The following ARHGEF10 variants were observed in gnomAD, a reference collection of about 807,000 sequenced individuals.
The protein encoded by ARHGEF10 is Rho guanine nucleotide exchange factor 10, also known as Rho guanine nucleotide exchange factor (GEF) 10.
In ARHGEF10, 140 loss-of-function variants were observed where a neutral mutation model predicts 147.4. The ratio of observed to expected loss-of-function variants is 0.95; its 90% CI spans 0.83 to 1.09. The LOEUF is 1.09. Ranked by LOEUF, ARHGEF10 falls within the 50% of genes least tolerant of loss-of-function variation. The pLI, the probability that ARHGEF10 is intolerant of heterozygous loss-of-function variation, is 0.00. For synonymous variants in ARHGEF10, 902 were observed against 695.8 expected, an observed-to-expected ratio of 1.30 and a Z score of -4.67; for missense variants, 2,222 against 1,752.7, an observed-to-expected ratio of 1.27 and a Z score of -4.78.
At chr8:1,864,592 G>A (rs560789479) in intron 5 of ARHGEF10, among the ~76,000 whole-genome samples, 156 bp downstream of exon 5, 11 of 152,330 alleles carry the variant, frequency 7.2e-5, no homozygotes, top group African/African-American at 9.6e-5. Flanking sequence ...CCTCCCAGGC[G>A]AGTGTCCCTG....
At chr8:1,915,523 G>C (rs1391075502) in intron 18 of ARHGEF10, among the ~76,000 whole-genome samples, 1 of 152,252 alleles carries the variant, frequency 6.6e-6, no homozygotes, top group African/African-American at 2.4e-5. Flanking sequence ...CAGCATGGCA[G>C]ATGGACGGAA....
At chr8:1,869,853 A>T (rs17756577) in intron 7 of ARHGEF10, 38,133 of 171,060 alleles carry the variant, frequency 0.22, 4,645 homozygotes, top group East Asian at 0.49. Flanking sequence ...GCGAAGAAGG[A>T]CGTGGCTCTT....
chr8:1,958,530 A>G lies in ARHGEF10; in HGVS notation c.*1267A>G, dbSNP rs1476019281. On this transcript the variant is annotated 3_prime_UTR_variant, in exon 29 of 29. Coordinates refer to ENST00000349830, the MANE Select transcript of ARHGEF10 (RefSeq NM_014629.4). The stretch of plus-strand genomic sequence containing the variant: ...AATGTTAATTTTATGACTTAGCCAA[A>G]TATGTTCTAGGTTGCATATATCCCC... 1.3e-5 allele frequency: 2 copies of G among 152,194 alleles called. No individual in the cohort carries two copies. The highest frequency in any genetic ancestry group is 4.8e-5 in the African/African-American group (2 of 41,450). 9.4% of individuals were successfully genotyped at this position (152,194 alleles called of 1,614,324 possible).
In ARHGEF10 at chr8:1,893,540, C is replaced by G. The variant is rs138056909; in HGVS notation, c.1183-29C>G. ...TCTGTGTGTATTATAAAGCAGTTTTCTATCATTGTACTTCCAAATTTCCAA... is the reference window on the plus strand; with the variant it reads ...TCTGTGTGTATTATAAAGCAGTTTTGTATCATTGTACTTCCAAATTTCCAA... On this transcript the variant is annotated intron_variant, in intron 11 of 28. Coordinates refer to ENST00000349830, the MANE Select transcript of ARHGEF10 (RefSeq NM_014629.4). 6.7e-5 allele frequency: 101 copies of G among 1,508,520 alleles called. 1 individual carries two copies. The highest frequency in any genetic ancestry group is 3.4e-4 in the Middle Eastern group (2 of 5,834). 93.4% of individuals were successfully genotyped at this position (1,508,520 alleles called of 1,614,324 possible).
chr8:1,903,313 C>T lies in ARHGEF10; in HGVS notation c.1683C>T (p.Pro561=), dbSNP rs373443843. The T allele has an allele frequency of 8.7e-6, 14 of 1,613,982 alleles. No homozygotes were observed. The highest frequency in any genetic ancestry group is 8.0e-5 in the African/African-American group (6 of 74,912). Residue 561 remains proline, a synonymous_variant, in exon 16 of 29, where the codon CCC becomes CCT. Coordinates refer to ENST00000349830, the MANE Select transcript of ARHGEF10 (RefSeq NM_014629.4). ...DMLKNTSKGH[P]DRLPLQMALT... ...TGAAGAACACCTCCAAAGGCCACCC[C>T]GACAGGCTGCCTCTTCAGATGGCCC...
intron 25 of ARHGEF10, 146 bp from the exon 26 acceptor site, chr8:1,933,654 C>A: frequency 2.7e-6 from 3 of 1,099,004 alleles, no homozygotes; most frequent in Non-Finnish European, 4.0e-6. Flanking sequence ...CTTGTCGATC[C>A]CCAGACACAG....
intron 26 of ARHGEF10, among the ~76,000 whole-genome samples, chr8:1,935,260 C>T (rs1175031947): frequency 6.6e-6 from 1 of 152,152 alleles, no homozygotes; most frequent in Non-Finnish European, 1.5e-5. Context: ...GCGTTTGTTA[C>T]AGTCAGTGAG....
rs976576470 is a variant in ARHGEF10, at chr8:1,929,355, G to T, written c.2991G>T (p.Lys997Asn). 2.5e-6 allele frequency: 4 copies of T among 1,613,866 alleles called. No homozygotes were observed. In the African/African-American group the frequency reaches 5.3e-5, roughly 22 times the overall value. The change falls in exon 25 of 29, where the codon AAG (lysine) becomes AAT (asparagine). Residue 997 changes from lysine to asparagine, a missense_variant. Transcript: ENST00000349830. ...TTCAGCACTTTTTCACTCCTGAGAA[G>T]TCCACAGTCATGAGCCTGGCTTGCA... ...VRLQHFFTPEKSTVMSLACTS... is the reference protein window; with the variant it reads ...VRLQHFFTPENSTVMSLACTS...
At chr8:1,844,480 C>CCTGGTGGACGA (rs1804389048) in intron 2 of ARHGEF10, among the ~76,000 whole-genome samples, 1 of 18,234 alleles carries the variant, frequency 5.5e-5, no homozygotes, top group Non-Finnish European at 1.7e-4. Context: ...AGTGGCCACC[C>CCTGGTGGACGA]CAGAAACAGC....
intron 27 of ARHGEF10, among the ~76,000 whole-genome samples, chr8:1,952,447 C>T (rs118094066): frequency 3.3e-5 from 5 of 152,326 alleles, no homozygotes; most frequent in South Asian, 2.1e-4. Context: ...GCCATGCAGA[C>T]GACAGCCCAG....
rs774646764 is a variant in ARHGEF10, at chr8:1,926,427, G to A, written c.2661G>A (p.Gln887=). Residue 887 remains glutamine (Q), a synonymous_variant, in exon 23 of 29, where the codon CAG becomes CAA. Coordinates refer to ENST00000349830, the MANE Select transcript of ARHGEF10 (RefSeq NM_014629.4). ...AACCTTACCTAAATAATGAAAGCCA[G>A]CCAGATTCATTTTCCACGGCACATG... ...NPEPYLNNES[Q]PDSFSTAHGF... 4 of 1,614,144 alleles carry A rather than the reference G, an allele frequency of 2.5e-6. No homozygotes were observed. In the East Asian group the frequency reaches 8.9e-5, roughly 36 times the overall value.
At position 1,948,569 on chromosome 8, in the gene ARHGEF10, C is replaced by T. The variant is rs1814778875; in HGVS notation, c.3397+2914C>T. On this transcript the variant is annotated intron_variant, in intron 27 of 28. Transcript: ENST00000349830. This position sits in a 1 kb window ranked among gnomAD's most constrained non-coding sequence, Gnocchi z 4.9. ...GGGTTAGAGGCAACCTCGGTGACAC[C>T]AGAAGTTCAGTTTTGTTTGTGATGC... Among the ~76,000 whole-genome samples, 1 of 152,110 alleles carries T rather than the reference C, an allele frequency of 6.6e-6. No individual in the cohort carries two copies. The highest frequency in any genetic ancestry group is 6.5e-5 in the Admixed American group (1 of 15,274).
chr8:1,872,163 T>A (rs1807179792), intron 7 of ARHGEF10, among the ~76,000 whole-genome samples: 1 of 152,170 alleles, frequency 6.6e-6, no homozygotes, highest in East Asian at 1.9e-4. Context: ...TATAAATAAC[T>A]TTTTATCAAA....
At chr8:1,847,007 T>G (rs1056638609) in intron 2 of ARHGEF10, among the ~76,000 whole-genome samples, 1 of 152,170 alleles carries the variant, frequency 6.6e-6, no homozygotes, top group South Asian at 2.1e-4. Context: ...CTGGCAGGGG[T>G]GCTGTTGTGT....
chr8:1,953,724 C>G (rs1237998538), intron 28 of ARHGEF10, among the ~76,000 whole-genome samples: 1 of 152,222 alleles, frequency 6.6e-6, no homozygotes, highest in East Asian at 1.9e-4. Context: ...ATGGGTAGAA[C>G]ACAGCCAGCA....
At chr8:1,835,952 C>T (rs1004321579) in intron 1 of ARHGEF10, among the ~76,000 whole-genome samples, 1 of 152,140 alleles carries the variant, frequency 6.6e-6, no homozygotes, top group Non-Finnish European at 1.5e-5. Context: ...GAGGCCGAGG[C>T]GGGCAGATCA....
chr8:1,899,457 TG>T (rs1461784263), intron 15 of ARHGEF10, among the ~76,000 whole-genome samples: 1 of 152,224 alleles, frequency 6.6e-6, no homozygotes, highest in Non-Finnish European at 1.5e-5. Flanking sequence ...AGAAATGAAC[TG>T]GCGCCTGGGA....
chr8:1,886,150 T>C (rs1190818022), intron 11 of ARHGEF10, among the ~76,000 whole-genome samples: 1 of 152,206 alleles, frequency 6.6e-6, no homozygotes, highest in Non-Finnish European at 1.5e-5. Flanking sequence ...AATGCATTTC[T>C]TAAAAATCTG....
chr8:1,865,842 A>T (rs1030652497), intron 5 of ARHGEF10, among the ~76,000 whole-genome samples: 6 of 152,142 alleles, frequency 3.9e-5, no homozygotes, highest in African/African-American at 1.4e-4. Context: ...CACCGGGCTC[A>T]TCCTTGCACA....
Sources: gnomAD v4.1 joint callset for allele counts (sites outside exome capture counted in the v4.1 genomes callset) on GRCh38, gnomAD v4.1.1 for gene constraint, Gnocchi (gnomAD v3.1) non-coding constraint, MANE v1.5 for transcripts, NCBI Gene and HGNC (gene_info 2026-07-23, HGNC 2026-07-21) for gene names.